PKD1L1: variants seen among roughly 807,000 people sequenced by gnomAD.
PKD1L1 encodes polycystin-1-like protein 1.
A neutral mutation model predicts 323.4 loss-of-function variants in PKD1L1; 236 were observed. That is an observed-to-expected ratio of 0.73 (90% CI 0.66 to 0.81). The LOEUF is 0.81. PKD1L1 is among the 40% of genes least tolerant of loss of function. The probability of loss-of-function intolerance (pLI) is 0.00; values close to 1 mark genes in which losing one functional copy is unlikely to be tolerated. For missense variants in PKD1L1, 3,320 were observed against 3,508.0 expected, an observed-to-expected ratio of 0.95 and a Z score of 1.35; for synonymous variants, 1,344 against 1,335.0, an observed-to-expected ratio of 1.01 and a Z score of -0.15.
Position 47,898,068 on chromosome 7 carries a change from C to G in PKD1L1, c.2191G>C (p.Ala731Pro), listed in dbSNP as rs1786998785. 2 of 1,613,900 alleles carry G rather than the reference C, an allele frequency of 1.2e-6. No homozygotes were observed. The highest frequency in any genetic ancestry group is 3.3e-5 in the Admixed American group (2 of 60,016). The change falls in exon 14 of 57, where the codon GCT becomes CCT. Residue 731 changes from alanine to proline, a missense_variant. Coordinates refer to ENST00000289672, the MANE Select transcript of PKD1L1 (RefSeq NM_138295.5). ...DSEGLPVSLP[A>P]AVDTHRQTLI... ...GTCTGTCTGTGAGTGTCCACAGCAG[C>G]AGGGAGGGAGACAGGGAGCCCTTCA... is the stretch of plus-strand genomic sequence containing the variant.
intron 24 of PKD1L1, among the ~76,000 whole-genome samples, chr7:47,868,023 T>C (rs1786203301): frequency 6.6e-6 from 1 of 152,214 alleles, no homozygotes. Flanking sequence ...CATAAAGACA[T>C]TTCTACAGAG....
chr7:47,936,907 T>C lies in PKD1L1; in HGVS notation c.337A>G (p.Thr113Ala). The C allele has an allele frequency of 2.5e-6, 4 of 1,613,924 alleles. No individual in the cohort carries two copies. Among genetic ancestry groups the C allele is most frequent in the Non-Finnish European group, 3.4e-6 (4 of 1,180,002 alleles). The change falls in exon 4 of 57, where the codon ACA becomes GCA. Residue 113 changes from threonine (T) to alanine (A), a missense_variant. By Grantham distance (58) the Thr-to-Ala change is moderately conservative. Coordinates refer to ENST00000289672, the MANE Select transcript of PKD1L1 (RefSeq NM_138295.5). ...GTTTTTTCATTAACAACAGCCTGTGTTTTTTCATTAACAACACTTAACGCT... is the reference window on the plus strand; with the variant it reads ...GTTTTTTCATTAACAACAGCCTGTGCTTTTTCATTAACAACACTTAACGCT... ...EAALSVVNEKTQAVVNEKTQA... is the reference protein window; with the variant it reads ...EAALSVVNEKAQAVVNEKTQA...
intron 14 of PKD1L1, among the ~76,000 whole-genome samples, chr7:47,895,882 A>G (rs1337933184): frequency 6.6e-6 from 1 of 152,168 alleles, no homozygotes; most frequent in African/African-American, 2.4e-5. Context: ...AATTGTTTTA[A>G]TACTGTTTAT....
At chr7:47,815,482 A>G (rs1196650988) in intron 46 of PKD1L1, 25 bp from the exon 47 acceptor site, 1 of 1,608,296 alleles carries the variant, frequency 6.2e-7, no homozygotes, top group East Asian at 2.2e-5. Flanking sequence ...AAAAATAAAA[A>G]GTTGCTTCTG....
intron 31 of PKD1L1, among the ~76,000 whole-genome samples, chr7:47,847,849 AAG>A (rs1268036470): frequency 6.6e-6 from 1 of 152,222 alleles, no homozygotes; most frequent in Admixed American, 6.5e-5. Context: ...TTCAAAATCT[AAG>A]AGTCTTACAA....
Position 47,839,727 on chromosome 7 carries a change from C to T in PKD1L1, c.5553-65G>A. 2 of 1,450,228 alleles carry T rather than the reference C, an allele frequency of 1.4e-6. No homozygotes were observed. The highest frequency in any genetic ancestry group is 1.9e-6 in the Non-Finnish European group (2 of 1,064,424). 89.8% of individuals were successfully genotyped at this position (1,450,228 alleles called of 1,614,324 possible). A position where few individuals can be genotyped will look rare whatever the true frequency, so the allele number is the denominator to read the frequency against. ...CAGTGTGGTCCTGGCATCCCATCAG[C>T]CCCAATGCTCACCCTCAAGGCACTG... On this transcript the variant is annotated intron_variant, in intron 35 of 56. Coordinates refer to ENST00000289672, the MANE Select transcript of PKD1L1 (RefSeq NM_138295.5). This position sits in a 1 kb window ranked among gnomAD's most constrained non-coding sequence, Gnocchi z 4.3.
intron 44 of PKD1L1, among the ~76,000 whole-genome samples, chr7:47,828,342 A>C (rs1438426194): frequency 6.6e-6 from 1 of 152,034 alleles, no homozygotes; most frequent in Non-Finnish European, 1.5e-5. Context: ...CTGGCAGCAC[A>C]GCAGGGCACA....
At chr7:47,959,148 C>T in the PKD1L1 span, among the ~76,000 whole-genome samples, 1 of 152,168 alleles carries the variant, frequency 6.6e-6, no homozygotes, top group Non-Finnish European at 1.5e-5. Context: ...GGCTGGAGTG[C>T]AGTGGCGTGA....
intron 7 of PKD1L1, among the ~76,000 whole-genome samples, chr7:47,917,683 A>C (rs1032597762): frequency 6.6e-6 from 1 of 152,186 alleles, no homozygotes; most frequent in African/African-American, 2.4e-5. Flanking sequence ...TCTTCAAACA[A>C]AACAATTATC....
At chr7:47,818,391 T>C (rs993520977) in intron 46 of PKD1L1, among the ~76,000 whole-genome samples, 4 of 152,240 alleles carry the variant, frequency 2.6e-5, no homozygotes, top group Admixed American at 2.6e-4. Context: ...TGTACATTTA[T>C]AGCAACTAAT....
At chr7:47,937,012 A>G (rs769049024) in intron 3 of PKD1L1, 54 bp from the exon 4 acceptor site, 73 of 1,374,720 alleles carry the variant, frequency 5.3e-5, no homozygotes, top group Non-Finnish European at 6.4e-5. Context: ...AAAACCCAGT[A>G]CATTTGGGAA....
chr7:47,815,602 G>T, intron 46 of PKD1L1, 145 bp from the exon 47 acceptor site: 1 of 947,416 alleles, frequency 1.1e-6, no homozygotes. Context: ...TGCTTGCAGC[G>T]TGAAGCATGA....
chr7:47,837,187 C>T, intron 36 of PKD1L1, 93 bp from the exon 37 acceptor site: 5 of 1,420,006 alleles, frequency 3.5e-6, no homozygotes, highest in Non-Finnish European at 4.8e-6. Flanking sequence ...TGAGCAGAGA[C>T]CACGAGCTTT....
intron 28 of PKD1L1, 60 bp downstream of exon 28, chr7:47,857,545 C>A: frequency 6.9e-7 from 1 of 1,450,984 alleles, no homozygotes; most frequent in South Asian, 1.2e-5. Flanking sequence ...GTCATTTAAG[C>A]CCAATTACTG....
Position 47,830,088 on chromosome 7 carries a change from C to G in PKD1L1, c.6510G>C (p.Leu2170=). ...TACAGCAGACCACGGAGAGGGACAG[C>G]AGGTGCAGCCACTGCACACATTGCT... ...GQEQCVQWLH[L]LSLSVVCCIF... The change falls in exon 43 of 57, where the codon CTG becomes CTC. Residue 2170 remains leucine (L), a synonymous_variant. Transcript: ENST00000289672. 1 of 1,614,134 alleles carries G rather than the reference C, an allele frequency of 6.2e-7. No homozygotes were observed. The highest frequency in any genetic ancestry group is 2.2e-5 in the East Asian group (1 of 44,886).
intron 52 of PKD1L1, among the ~76,000 whole-genome samples, chr7:47,804,211 G>A (rs1490458196): frequency 6.6e-6 from 1 of 152,196 alleles, no homozygotes; most frequent in African/African-American, 2.4e-5. Flanking sequence ...GTCACCCCTC[G>A]GGTTCCCTTC....
At position 47,929,444 on chromosome 7, in the gene PKD1L1, T is replaced by C. The variant is rs1257177775; in HGVS notation, c.820A>G (p.Thr274Ala). 6.2e-7 allele frequency: 1 copy of C among 1,613,696 alleles called. No individual in the cohort carries two copies. The highest frequency in any genetic ancestry group is 8.5e-7 in the Non-Finnish European group (1 of 1,179,820). ...AGGATGGCCACAGGAGGATGCTGAG[T>C]AGGGGGATAGAGGATCTCAGAACCA... ...QSGSEILYPP[T>A]QHPPVAILAR... is the part of the protein sequence containing the mutation. The change falls in exon 7 of 57, where the codon ACT becomes GCT. Residue 274 changes from threonine to alanine, a missense_variant. Coordinates refer to ENST00000289672, the MANE Select transcript of PKD1L1 (RefSeq NM_138295.5).
chr7:47,866,758 G>T, intron 24 of PKD1L1, 144 bp from the exon 25 acceptor site: 1 of 625,278 alleles, frequency 1.6e-6, no homozygotes, highest in Non-Finnish European at 2.7e-6. Context: ...AAGGAGAATT[G>T]GTCTGTGCAA....
At chr7:47,921,238 C>CAAAAAAAAAAA (rs139205889) in intron 7 of PKD1L1, among the ~76,000 whole-genome samples, 1 of 79,586 alleles carries the variant, frequency 1.3e-5, no homozygotes, top group Non-Finnish European at 2.3e-5. Flanking sequence ...AGACAATTCT[C>CAAAAAAAAAAA]AAAAAAAAAA....
Sources: gnomAD v4.1 joint callset for allele counts (sites outside exome capture counted in the v4.1 genomes callset) on GRCh38, gnomAD v4.1.1 for gene constraint, Gnocchi (gnomAD v3.1) non-coding constraint, MANE v1.5 for transcripts, NCBI Gene and HGNC (gene_info 2026-07-23, HGNC 2026-07-21) for gene names.